MYO1E: variants seen among roughly 807,000 people sequenced by gnomAD.
MYO1E encodes the protein myosin IE.
A neutral mutation model predicts 151.1 loss-of-function variants in MYO1E; 68 were observed. That is an observed-to-expected ratio of 0.45 (90% CI 0.37 to 0.55). The LOEUF is 0.55. MYO1E is among the 20% of genes least tolerant of loss of function. The pLI is 0.00. For synonymous variants in MYO1E, 601 were observed against 501.7 expected (o/e 1.20, Z -2.64); for missense variants, 1,363 against 1,389.3 (o/e 0.98, Z 0.30).
chr15:59,178,871 C>T (rs568722845), intron 18 of MYO1E, among the ~76,000 whole-genome samples: 8 of 152,314 alleles, frequency 5.3e-5, no homozygotes, highest in Admixed American at 2.0e-4. Context: ...AAAAATCAAA[C>T]GGTCTTGTCT....
At chr15:59,255,749 A>C (rs2080190731) in intron 4 of MYO1E, among the ~76,000 whole-genome samples, 1 of 152,194 alleles carries the variant, frequency 6.6e-6, no homozygotes, top group African/African-American at 2.4e-5. Flanking sequence ...AAAGTTTACG[A>C]ATTTGCTTTG....
At chr15:59,148,023 C>T (rs1367042334) in intron 26 of MYO1E, among the ~76,000 whole-genome samples, 2 of 152,146 alleles carry the variant, frequency 1.3e-5, no homozygotes, top group African/African-American at 4.8e-5. Flanking sequence ...GCAAGACCAG[C>T]CAATGAATAA....
chr15:59,254,553 G>A (rs1471013646), intron 4 of MYO1E, among the ~76,000 whole-genome samples: 8 of 152,220 alleles, frequency 5.3e-5, no homozygotes, highest in African/African-American at 1.9e-4. Flanking sequence ...CAGAATGGGA[G>A]GACCAAATAA....
chr15:59,329,160 T>C (rs1233624558), intron 1 of MYO1E, among the ~76,000 whole-genome samples: 1 of 152,322 alleles, frequency 6.6e-6, no homozygotes, highest in East Asian at 1.9e-4. Flanking sequence ...GTTGAGCTCC[T>C]CACTATATGC....
chr15:59,167,232 G>A (rs879454386), intron 22 of MYO1E, among the ~76,000 whole-genome samples: 10 of 152,092 alleles, frequency 6.6e-5, no homozygotes, highest in South Asian at 2.1e-4. Flanking sequence ...ACCGTCTTAC[G>A]GGTTGTTTTT....
chr15:59,210,928 G>A (rs529189080), intron 12 of MYO1E, among the ~76,000 whole-genome samples: 2 of 152,240 alleles, frequency 1.3e-5, no homozygotes, highest in South Asian at 2.1e-4. Flanking sequence ...AGGACTGGGC[G>A]CGGTGGCTCA....
chr15:59,152,034 C>T (rs2079484020), intron 26 of MYO1E, among the ~76,000 whole-genome samples: 2 of 151,664 alleles, frequency 1.3e-5, no homozygotes, highest in Non-Finnish European at 2.9e-5. Context: ...TGGCACTGCA[C>T]TCCAGCCTGG....
rs551039145 is a variant in MYO1E, at chr15:59,253,573, C to G, written c.332+2711G>C. Among the ~76,000 whole-genome samples, 39 of 150,570 alleles carry G rather than the reference C, an allele frequency of 2.6e-4. No homozygotes were observed. In the South Asian group the frequency reaches 8.0e-3, roughly 31 times the overall value. ...CTCAGCTCACTGAAAACTCTGCTTC[C>G]TGGGTTCAAGCGATTTCCCTGCCTC... On this transcript the variant is annotated intron_variant, in intron 4 of 27. Transcript: ENST00000288235.
intron 2 of MYO1E, chr15:59,271,055 A>G (rs1224010741): frequency 6.6e-6 from 1 of 152,254 alleles, no homozygotes; most frequent in African/African-American, 2.4e-5. Flanking sequence ...CTTATAGTAA[A>G]TAAGAAACAG....
rs796277432 is a variant in MYO1E, at chr15:59,180,544, C to CT, written c.1905-2008dup. On this transcript the variant is annotated intron_variant, in intron 18 of 27. Transcript: ENST00000288235. ...CCTACAAAATTAATGCTGCGTTTCT[C>CT]TTTTTTTTTTTTTAATGGTAACGAA... Among the ~76,000 whole-genome samples the CT allele has an allele frequency of 4.2e-3, 603 of 144,090 alleles. 4 individuals carry two copies. The highest frequency in any genetic ancestry group is 7.1e-3 in the Middle Eastern group (2 of 280). The allele number at this position is 144,090 out of a possible 152,430, so 94.5% of individuals were successfully genotyped here. A position where few individuals can be genotyped will look rare whatever the true frequency, so the allele number is the denominator to read the frequency against.
intron 1 of MYO1E, among the ~76,000 whole-genome samples, chr15:59,309,105 C>A (rs916738762): frequency 2.6e-5 from 4 of 151,748 alleles, no homozygotes; most frequent in Admixed American, 1.3e-4. Context: ...CAGAGTGAGA[C>A]CTTGTCTCTA....
At position 59,202,326 on chromosome 15, in the gene MYO1E, C is replaced by T. The variant is rs1298920433; in HGVS notation, c.1698G>A (p.Lys566=). The T allele has an allele frequency of 6.2e-7, 1 of 1,613,248 alleles. No individual in the cohort carries two copies. Among genetic ancestry groups the T allele is most frequent in the Non-Finnish European group, 8.5e-7 (1 of 1,179,170 alleles). The change falls in exon 16 of 28, where the codon AAG becomes AAA. Residue 566 remains lysine (K), a splice_region_variant and synonymous_variant. Transcript: ENST00000288235. ...ATAAACTTCCTAAAATAGAACTAAC[C>T]TTTATTTTGCTTCCGGCAGTAGTTG... ...GRPTTAGSKI[K]KQANDLVSTL... is the part of the protein sequence containing the mutation.
At chr15:59,277,192 G>C (rs1210520968) in intron 1 of MYO1E, among the ~76,000 whole-genome samples, 1 of 152,126 alleles carries the variant, frequency 6.6e-6, no homozygotes, top group Non-Finnish European at 1.5e-5. Flanking sequence ...TAGCAATTTA[G>C]AAATCGGTAT....
chr15:59,183,760 A>C (rs1217048025), intron 18 of MYO1E, among the ~76,000 whole-genome samples: 3 of 152,146 alleles, frequency 2.0e-5, no homozygotes, highest in Non-Finnish European at 4.4e-5. Context: ...TTGTGCTAGG[A>C]AACACTAGGT....
At chr15:59,352,837 A>ACT (rs1490954350) in intron 1 of MYO1E, among the ~76,000 whole-genome samples, 2 of 152,036 alleles carry the variant, frequency 1.3e-5, no homozygotes, top group African/African-American at 4.8e-5. Context: ...AAAGCACAGA[A>ACT]CTCCCTCAGA....
intron 4 of MYO1E, among the ~76,000 whole-genome samples, chr15:59,249,721 G>A (rs1456953536): frequency 6.6e-6 from 1 of 152,158 alleles, no homozygotes; most frequent in Non-Finnish European, 1.5e-5. Flanking sequence ...AGCCATGCCA[G>A]AATCCCTTAG....
intron 1 of MYO1E, among the ~76,000 whole-genome samples, chr15:59,346,006 A>C (rs1279265942): frequency 1.3e-5 from 2 of 152,228 alleles, no homozygotes; most frequent in African/African-American, 4.8e-5. Context: ...GTGAGTGAAT[A>C]TCACTTTATA....
At position 59,231,568 on chromosome 15, in the gene MYO1E, T is replaced by C. The variant is rs2080028147; in HGVS notation, c.510+134A>G. Reference sequence around the variant, plus strand: ...CTTGGCGGCATGCTGCTATAGAAAATGAAGGAAAGATCGAAGAGGTGGCCT... The same window carrying C: ...CTTGGCGGCATGCTGCTATAGAAAACGAAGGAAAGATCGAAGAGGTGGCCT... On this transcript the variant is annotated intron_variant, in intron 6 of 27. Transcript: ENST00000288235. The C allele has an allele frequency of 5.2e-6, 5 of 959,854 alleles. No individual in the cohort carries two copies. In the Admixed American group the frequency reaches 6.0e-5, roughly 11 times the overall value. The allele number at this position is 959,854 out of a possible 1,614,324, so 59.5% of individuals were successfully genotyped here.
intron 2 of MYO1E, among the ~76,000 whole-genome samples, chr15:59,268,769 A>G (rs1443057343): frequency 1.0e-4 from 10 of 96,004 alleles, no homozygotes; most frequent in Non-Finnish European, 2.1e-4. Flanking sequence ...GAGCCATGTT[A>G]AATGAACCTA....
Sources: allele counts gnomAD v4.1 joint callset (sites outside exome capture counted in the v4.1 genomes callset), GRCh38; gene constraint gnomAD v4.1.1; transcripts MANE v1.5; gene names NCBI Gene and HGNC (gene_info 2026-07-23, HGNC 2026-07-21).